LRRN2: variants seen among roughly 807,000 people sequenced by gnomAD.
The protein encoded by LRRN2 is leucine rich repeat neuronal 2.
Under a neutral mutation model 35.7 loss-of-function variants are expected in LRRN2, and 10 were observed. That is an observed-to-expected ratio of 0.28 (90% CI 0.17 to 0.47). LRRN2 has a LOEUF of 0.47. LRRN2 is among the 20% of genes least tolerant of loss of function. The pLI, the probability that LRRN2 is intolerant of heterozygous loss-of-function variation, is 0.99. For synonymous variants in LRRN2, 391 were observed against 409.6 expected, an observed-to-expected ratio of 0.95 and a Z score of 0.55; for missense variants, 731 against 940.3, an observed-to-expected ratio of 0.78 and a Z score of 2.91.
At chr1:204,648,430 T>C (rs1668154714) in intron 1 of LRRN2, among the ~76,000 whole-genome samples, 1 of 152,058 alleles carries the variant, frequency 6.6e-6, no homozygotes, top group African/African-American at 2.4e-5. Flanking sequence ...AGCCAGGAAA[T>C]TCCTTCCATG....
chr1:204,654,434 C>G (rs1198813569), intron 1 of LRRN2, among the ~76,000 whole-genome samples: 1 of 152,174 alleles, frequency 6.6e-6, no homozygotes, highest in Non-Finnish European at 1.5e-5. Flanking sequence ...CTTGTTAGGC[C>G]TTAGTTTTTT....
chr1:204,678,257 A>T (rs1008466961), intron 1 of LRRN2, among the ~76,000 whole-genome samples: 4 of 152,170 alleles, frequency 2.6e-5, no homozygotes, highest in Non-Finnish European at 5.9e-5. Flanking sequence ...CCTTACCAGT[A>T]AAGACTGTGT....
intron 1 of LRRN2, among the ~76,000 whole-genome samples, chr1:204,634,250 C>T (rs926783661): frequency 6.6e-6 from 1 of 152,154 alleles, no homozygotes; most frequent in Admixed American, 6.5e-5. Flanking sequence ...CTCAGCCAGC[C>T]CTATGTCCTG....
At chr1:204,648,856 C>G (rs963805059) in intron 1 of LRRN2, among the ~76,000 whole-genome samples, 1 of 152,158 alleles carries the variant, frequency 6.6e-6, no homozygotes, top group Non-Finnish European at 1.5e-5. Context: ...ACTGAGATTA[C>G]CCAGTGGTGG....
chr1:204,677,225 A>G (rs1001024733), intron 1 of LRRN2, among the ~76,000 whole-genome samples: 2 of 152,180 alleles, frequency 1.3e-5, no homozygotes, highest in Admixed American at 1.3e-4. Context: ...TGTAAGCCAT[A>G]AGGACAAAAG....
chr1:204,684,326 C>T (rs1669019010), intron 1 of LRRN2, among the ~76,000 whole-genome samples: 1 of 152,216 alleles, frequency 6.6e-6, no homozygotes. Context: ...CAGTTAGAAG[C>T]TGCGTTGGCT....
chr1:204,620,139 CCCT>C lies in LRRN2; in HGVS notation c.-150_-148del. The C allele has an allele frequency of 2.1e-6, 3 of 1,460,472 alleles. No individual in the cohort carries two copies. The highest frequency in any genetic ancestry group is 2.7e-6 in the Non-Finnish European group (3 of 1,105,000). The allele number at this position is 1,460,472 out of a possible 1,614,324, so 90.5% of individuals were successfully genotyped here. ...ATTCTACACCGGGCGTCACTTCTTG[CCCT>C]CCTCAATATGCCTTCTCTTCCTTGT... On this transcript the variant is annotated 5_prime_UTR_variant, in exon 2 of 2. Coordinates refer to ENST00000367177, the MANE Select transcript of LRRN2 (RefSeq NM_201630.2).
In LRRN2 at chr1:204,617,666, G is replaced by A; in HGVS notation, c.*185C>T. The A allele has an allele frequency of 1.5e-6, 1 of 663,172 alleles. No individual in the cohort carries two copies. Among genetic ancestry groups the A allele is most frequent in the Non-Finnish European group, 2.6e-6 (1 of 382,746 alleles). 41.1% of individuals were successfully genotyped at this position (663,172 alleles called of 1,614,324 possible). A position where few individuals can be genotyped will look rare whatever the true frequency, so the allele number is the denominator to read the frequency against. ...GCAGAGGTGACCCTAGGAGGTAAGG[G>A]CAACTTTTTCGAGGCTGCAGAAGCA... On this transcript the variant is annotated 3_prime_UTR_variant, in exon 2 of 2. Coordinates refer to ENST00000367177, the MANE Select transcript of LRRN2 (RefSeq NM_201630.2).
intron 1 of LRRN2, among the ~76,000 whole-genome samples, chr1:204,645,612 T>G (rs1668087988): frequency 2.0e-5 from 3 of 152,192 alleles, no homozygotes; most frequent in Admixed American, 1.3e-4. Context: ...AATGGCTGTG[T>G]ATTAGTCCAT....
chr1:204,674,300 G>A (rs1335385401), intron 1 of LRRN2, among the ~76,000 whole-genome samples: 1 of 135,702 alleles, frequency 7.4e-6, no homozygotes, highest in East Asian at 2.1e-4. Flanking sequence ...CCCCCTCACT[G>A]CCTCCCCTCC....
In LRRN2 at chr1:204,619,667, C is replaced by T. The variant is rs1666698772; in HGVS notation, c.326G>A (p.Arg109Gln). Residue 109 changes from arginine to glutamine, a missense_variant, in exon 2 of 2, where the codon CGA becomes CAA. Arg to Gln is a conservative substitution (Grantham distance 43, BLOSUM62 1). Coordinates refer to ENST00000367177, the MANE Select transcript of LRRN2 (RefSeq NM_201630.2). ...DLSQNSFSDA[R>Q]DCDFHALPQL... The stretch of plus-strand genomic sequence containing the variant: ...GGGCAGGGCATGGAAATCACAGTCT[C>T]GGGCATCCGAAAAGCTGTTCTGGGA... The T allele has an allele frequency of 2.5e-6, 4 of 1,614,198 alleles. No homozygotes were observed. The highest frequency in any genetic ancestry group is 2.2e-5 in the East Asian group (1 of 44,884).
intron 1 of LRRN2, among the ~76,000 whole-genome samples, chr1:204,648,167 G>A (rs758849558): frequency 7.9e-5 from 12 of 152,214 alleles, no homozygotes; most frequent in African/African-American, 2.9e-4. Flanking sequence ...GTTGGAACAG[G>A]ATGGGCTGGG....
chr1:204,640,886 T>C (rs1249726116), intron 1 of LRRN2, among the ~76,000 whole-genome samples: 1 of 152,022 alleles, frequency 6.6e-6, no homozygotes, highest in Middle Eastern at 3.2e-3. Flanking sequence ...TTCCACATCA[T>C]TACCGCCCAA....
At position 204,627,763 on chromosome 1, in the gene LRRN2, C is replaced by A. The variant is rs963965984; in HGVS notation, c.-226-7545G>T. Among the ~76,000 whole-genome samples the A allele has an allele frequency of 6.6e-5, 10 of 152,368 alleles. No individual in the cohort carries two copies. In the East Asian group the frequency reaches 1.9e-3, roughly 29 times the overall value. On this transcript the variant is annotated intron_variant, in intron 1 of 1. Transcript: ENST00000367177. ...CCTCAGGGAAAACTTTTCTGACCCC[C>A]TGCACCCATCTCCTGGGCTCCCATG...
In LRRN2 at chr1:204,630,308, GGGTGGGGGTGGGTGAGGCCTGGTC is replaced by G. The variant is rs1400725270; in HGVS notation, c.-226-10114_-226-10091del. Among the ~76,000 whole-genome samples, 13 of 152,018 alleles carry G rather than the reference GGGTGGGGGTGGGTGAGGCCTGGTC, an allele frequency of 8.6e-5. No individual in the cohort carries two copies. The South Asian group carries it at 1.7e-3, about 20-fold the overall frequency. On this transcript the variant is annotated intron_variant, in intron 1 of 1. Coordinates refer to ENST00000367177, the MANE Select transcript of LRRN2 (RefSeq NM_201630.2). Reference sequence around the variant, plus strand: ...AGGAAAGGACCCTCAGGGAAGGGTCGGGTGGGGGTGGGTGAGGCCTGGTCGGAGGGGCTGGGCTCTGGCGGCTGA... The same window carrying G: ...AGGAAAGGACCCTCAGGGAAGGGTCGGGAGGGGCTGGGCTCTGGCGGCTGA...
chr1:204,677,739 C>T (rs934976988), intron 1 of LRRN2, among the ~76,000 whole-genome samples: 34 of 152,088 alleles, frequency 2.2e-4, no homozygotes, highest in Non-Finnish European at 4.4e-4. Context: ...CTCCATGAAG[C>T]CAGAGGACTT....
At chr1:204,620,645 TTA>T (rs1194479372) in intron 1 of LRRN2, 1 of 170,406 alleles carries the variant, frequency 5.9e-6, no homozygotes, top group Non-Finnish European at 1.4e-5. Flanking sequence ...CCTTAAGGCT[TTA>T]GTGTCCTTTT....
chr1:204,657,234 G>A (rs1368388035), intron 1 of LRRN2, among the ~76,000 whole-genome samples: 4 of 151,988 alleles, frequency 2.6e-5, no homozygotes, highest in Non-Finnish European at 4.4e-5. Flanking sequence ...GAACCCGGGA[G>A]GCGGAGGTTG....
chr1:204,652,260 G>GCCC (rs57390819), intron 1 of LRRN2, among the ~76,000 whole-genome samples: 1 of 60,458 alleles, frequency 1.7e-5, no homozygotes, highest in Non-Finnish European at 3.3e-5. Context: ...CCTCTTCACC[G>GCCC]CCCCCCCCCC....
Sources: gnomAD v4.1 joint callset for allele counts (sites outside exome capture counted in the v4.1 genomes callset) on GRCh38, gnomAD v4.1.1 for gene constraint, MANE v1.5 for transcripts, NCBI Gene and HGNC (gene_info 2026-07-23, HGNC 2026-07-21) for gene names.